Variants in SUGP1 observed in about 807,000 individuals in gnomAD.
The protein encoded by SUGP1 is SURP and G-patch domain containing 1.
A neutral mutation model predicts 76.5 loss-of-function variants in SUGP1; 34 were observed. The observed-to-expected ratio is 0.44, with a 90% confidence interval of 0.34 to 0.59. The LOEUF (loss-of-function observed/expected upper bound fraction) is 0.59, where lower values mean the gene tolerates loss of function less well. Ranked by LOEUF, SUGP1 falls within the 20% of genes least tolerant of loss-of-function variation. SUGP1 has a pLI of 0.01. For missense variants in SUGP1, 752 were observed against 851.7 expected (o/e 0.88, Z 1.46); for synonymous variants, 326 against 326.2 (o/e 1.00, Z 0.01).
In SUGP1 at chr19:19,297,008, G is replaced by A. The variant is rs1475273624; in HGVS notation, c.1224C>T (p.Ala408=). ...GCCCACCTGACAGAGGCGAGGGAGA[G>A]GCATCCACGTCCCTCTGCACCAGTT... is the stretch of plus-strand genomic sequence containing the variant. ...PAELVQRDVD[A]SPSPLSVQDL... Residue 408 remains alanine, a synonymous_variant, in exon 8 of 14, where the codon GCC becomes GCT. Transcript: ENST00000247001. 1.3e-6 allele frequency: 2 copies of A among 1,583,862 alleles called. No individual in the cohort carries two copies. The highest frequency in any genetic ancestry group is 2.3e-5 in the East Asian group (1 of 44,242).
intron 1 of SUGP1, among the ~76,000 whole-genome samples, chr19:19,319,582 TG>T (rs1444834276): frequency 6.6e-6 from 1 of 151,136 alleles, no homozygotes; most frequent in Non-Finnish European, 1.5e-5. Flanking sequence ...ACAAATTCGC[TG>T]TGTGGTGGCG....
intron 2 of SUGP1, among the ~76,000 whole-genome samples, chr19:19,313,841 A>G (rs1050944681): frequency 4.6e-5 from 7 of 152,022 alleles, no homozygotes; most frequent in Admixed American, 1.3e-4. Context: ...TGTCTCAACT[A>G]AAATACAAAA....
intron 3 of SUGP1, among the ~76,000 whole-genome samples, chr19:19,308,952 C>T (rs2061335400): frequency 6.6e-6 from 1 of 152,114 alleles, no homozygotes; most frequent in Non-Finnish European, 1.5e-5. Flanking sequence ...CCTCAACCTC[C>T]ACCTCCTGGG....
At chr19:19,313,290 G>A (rs1360049074) in intron 2 of SUGP1, among the ~76,000 whole-genome samples, 2 of 152,094 alleles carry the variant, frequency 1.3e-5, no homozygotes, top group Admixed American at 6.6e-5. Context: ...AGTCACTGGG[G>A]AGGCTGAGAC....
chr19:19,276,813 G>T, intron 13 of SUGP1, 134 bp downstream of exon 13: 2 of 1,538,580 alleles, frequency 1.3e-6, no homozygotes, highest in Non-Finnish European at 1.8e-6. Context: ...GTGGGGGCTT[G>T]AATGCAGGTG....
chr19:19,299,091 AG>A (rs2061251381), intron 7 of SUGP1, among the ~76,000 whole-genome samples: 1 of 152,232 alleles, frequency 6.6e-6, no homozygotes, highest in South Asian at 2.1e-4. Flanking sequence ...ACCACTGTTA[AG>A]GTGTTTCCTG....
At position 19,280,275 on chromosome 19, in the gene SUGP1, C is replaced by T. The variant is rs753936282; in HGVS notation, c.1260G>A (p.Gly420=). Residue 420 remains glycine (G), a synonymous_variant, in exon 9 of 14, where the codon GGG becomes GGA. Transcript: ENST00000247001. Reference sequence around the variant, plus strand: ...CAGGCTTCCCCTTCTCATAGCCGAGCCCCTTGAGGTCCTGAACTGGAAACC... The same window carrying T: ...CAGGCTTCCCCTTCTCATAGCCGAGTCCCTTGAGGTCCTGAACTGGAAACC... ...PSPLSVQDLK[G]LGYEKGKPVG... 1.2e-6 allele frequency: 2 copies of T among 1,613,908 alleles called. No homozygotes were observed. The highest frequency in any genetic ancestry group is 1.7e-5 in the Admixed American group (1 of 60,018).
intron 8 of SUGP1, among the ~76,000 whole-genome samples, chr19:19,283,582 G>A (rs2061116824): frequency 6.6e-6 from 1 of 152,138 alleles, no homozygotes; most frequent in African/African-American, 2.4e-5. Flanking sequence ...AGCCTCCCGA[G>A]TAGCCGGGAC....
chr19:19,290,460 GT>G (rs1599852318), intron 8 of SUGP1, among the ~76,000 whole-genome samples: 1 of 151,434 alleles, frequency 6.6e-6, no homozygotes, highest in Non-Finnish European at 1.5e-5. Context: ...CCTGGCCAAC[GT>G]GGCAAAACCC....
At chr19:19,320,016 G>A (rs930582738) in intron 1 of SUGP1, among the ~76,000 whole-genome samples, 2 of 152,196 alleles carry the variant, frequency 1.3e-5, no homozygotes, top group African/African-American at 4.8e-5. Context: ...AAGGCTTGCA[G>A]CAAAGTGAGG....
Position 19,319,943 on chromosome 19 carries a change from T to C in SUGP1, c.34+520A>G, listed in dbSNP as rs560078170. ...GCCCAGCACACTGCTTGGCACACAGTGAGCACGCCCTAAGTATCTGCTGAT... is the reference window on the plus strand; with the variant it reads ...GCCCAGCACACTGCTTGGCACACAGCGAGCACGCCCTAAGTATCTGCTGAT... On this transcript the variant is annotated intron_variant, in intron 1 of 13. Coordinates refer to ENST00000247001, the MANE Select transcript of SUGP1 (RefSeq NM_172231.4). Among the ~76,000 whole-genome samples, 89 of 152,226 alleles carry C rather than the reference T, an allele frequency of 5.8e-4. No homozygotes were observed. The South Asian group carries it at 0.018, about 30-fold the overall frequency.
At chr19:19,296,060 T>C (rs12979148) in intron 8 of SUGP1, among the ~76,000 whole-genome samples, 22,875 of 152,124 alleles carry the variant, frequency 0.15, 1,852 homozygotes, top group East Asian at 0.22. Flanking sequence ...CTCTTGCCTA[T>C]AATCCCGGCA....
intron 8 of SUGP1, among the ~76,000 whole-genome samples, chr19:19,289,490 G>A (rs1402786060): frequency 1.3e-5 from 2 of 152,138 alleles, no homozygotes; most frequent in East Asian, 3.9e-4. Flanking sequence ...GCTCACGCCT[G>A]TAATCCTAGC....
intron 7 of SUGP1, among the ~76,000 whole-genome samples, chr19:19,298,315 T>C (rs1249488151): frequency 6.6e-6 from 1 of 152,108 alleles, no homozygotes; most frequent in Admixed American, 6.5e-5. Context: ...CTGGCCGACA[T>C]GGTGAAATCC....
chr19:19,288,687 T>C (rs1399340194), intron 8 of SUGP1, among the ~76,000 whole-genome samples: 1 of 152,034 alleles, frequency 6.6e-6, no homozygotes, highest in Non-Finnish European at 1.5e-5. Context: ...GCTCAAGAGG[T>C]TGAGGCTGCA....
At chr19:19,309,780 C>T (rs1368209633) in intron 3 of SUGP1, among the ~76,000 whole-genome samples, 7 of 152,228 alleles carry the variant, frequency 4.6e-5, no homozygotes, top group East Asian at 3.9e-4. Context: ...GGCGTGGTGG[C>T]GGGCGTCTGT....
rs776559099 is a variant in SUGP1, at chr19:19,303,457, G to A, written c.663-9C>T. On this transcript the variant is annotated splice_polypyrimidine_tract_variant and intron_variant, in intron 5 of 13. Coordinates refer to ENST00000247001, the MANE Select transcript of SUGP1 (RefSeq NM_172231.4). ...TCTTATCGTGCAAAAATCTGGAGAG[G>A]AGGAAGTTTGCAGAAGAGAGGGGAA... The A allele has an allele frequency of 1.9e-6, 3 of 1,609,520 alleles. No homozygotes were observed. The highest frequency in any genetic ancestry group is 2.6e-6 in the Non-Finnish European group (3 of 1,175,838).
At chr19:19,308,084 A>G (rs1232105669) in intron 3 of SUGP1, among the ~76,000 whole-genome samples, 2 of 152,262 alleles carry the variant, frequency 1.3e-5, no homozygotes, top group East Asian at 3.9e-4. Context: ...GCTAGAGTAC[A>G]GTGACGTGAT....
chr19:19,294,641 C>T (rs935422878), intron 8 of SUGP1, among the ~76,000 whole-genome samples: 5 of 151,672 alleles, frequency 3.3e-5, no homozygotes, highest in African/African-American at 4.8e-5. Context: ...AAAAATGACA[C>T]CAAAAGCATA....
Sources: gnomAD v4.1 joint callset for allele counts (sites outside exome capture counted in the v4.1 genomes callset) on GRCh38, gnomAD v4.1.1 for gene constraint, MANE v1.5 for transcripts, NCBI Gene and HGNC (gene_info 2026-07-23, HGNC 2026-07-21) for gene names.